Variants in DOT1L observed in about 807,000 individuals in gnomAD.
The protein encoded by DOT1L is DOT1 like histone lysine methyltransferase.
A neutral mutation model predicts 153.3 loss-of-function variants in DOT1L; 33 were observed. The ratio of observed to expected loss-of-function variants is 0.22; its 90% confidence interval spans 0.16 to 0.29. DOT1L has a LOEUF of 0.29. Ranked by LOEUF, DOT1L falls within the 10% of genes least tolerant of loss-of-function variation. The pLI is 1.00. For synonymous variants in DOT1L, 1,135 were observed against 965.1 expected (o/e 1.18, Z -3.26); for missense variants, 1,847 against 2,119.9 (o/e 0.87, Z 2.53).
At chr19:2,195,090 C>T (rs1342742342) in intron 7 of DOT1L, among the ~76,000 whole-genome samples, 1 of 152,106 alleles carries the variant, frequency 6.6e-6, no homozygotes, top group Non-Finnish European at 1.5e-5. Context: ...TGTGGCCCTC[C>T]CTGTAGGGTG....
At chr19:2,181,473 T>C (rs2022228727) in intron 2 of DOT1L, among the ~76,000 whole-genome samples, 1 of 152,184 alleles carries the variant, frequency 6.6e-6, no homozygotes, top group Non-Finnish European at 1.5e-5. Context: ...GGTGGCTCTG[T>C]GCCAGGCCCC....
chr19:2,206,623 A>G, intron 9 of DOT1L, 106 bp from the exon 10 acceptor site: 1 of 1,075,610 alleles, frequency 9.3e-7, no homozygotes, highest in South Asian at 1.3e-5. Flanking sequence ...CCCGGAGCCC[A>G]GTGTGTGTGT....
intron 7 of DOT1L, among the ~76,000 whole-genome samples, chr19:2,198,550 G>A (rs1414620147): frequency 6.6e-6 from 1 of 152,220 alleles, no homozygotes; most frequent in African/African-American, 2.4e-5. Flanking sequence ...TGCTTGGGGC[G>A]GCGGCTTGCT....
chr19:2,179,615 C>T (rs182896213), intron 1 of DOT1L, among the ~76,000 whole-genome samples: 4 of 152,094 alleles, frequency 2.6e-5, no homozygotes, highest in Non-Finnish European at 5.9e-5. Flanking sequence ...CGAGACCAGC[C>T]TGATCAACAT....
chr19:2,207,785 C>A lies in DOT1L; in HGVS notation c.963+105C>A. Reference sequence around the variant, plus strand: ...CATGTGGCCTCTGAGACCCTCCCCTCAGAGCCCTCAACGCCCCCCGGCCCC... The same window carrying A: ...CATGTGGCCTCTGAGACCCTCCCCTAAGAGCCCTCAACGCCCCCCGGCCCC... On this transcript the variant is annotated intron_variant, in intron 11 of 27. Coordinates refer to ENST00000398665, the MANE Select transcript of DOT1L (RefSeq NM_032482.3). This position sits in a 1 kb window ranked among gnomAD's most constrained non-coding sequence, Gnocchi z 4.5. 1 of 1,072,594 alleles carries A rather than the reference C, an allele frequency of 9.3e-7. No individual in the cohort carries two copies. The highest frequency in any genetic ancestry group is 1.3e-6 in the Non-Finnish European group (1 of 754,116). 66.4% of individuals were successfully genotyped at this position (1,072,594 alleles called of 1,614,324 possible).
At position 2,222,057 on chromosome 19, in the gene DOT1L, C is replaced by T. The variant is rs373291232; in HGVS notation, c.2888C>T (p.Ala963Val). Residue 963 changes from alanine to valine, a missense_variant, in exon 24 of 28, where the codon GCC becomes GTC. This residue lies in a region of DOT1L where 934 missense variants were observed against 825.3 expected (regional missense o/e 1.13). Transcript: ENST00000398665. The surrounding 1 kb of genome is among the most constrained non-coding windows in gnomAD (Gnocchi z 6.5). ...TCTCTCACACCTGGAGCCGAGCCGGCCACCTTGGATGAGTCCTCCAGCTCT... is the reference window on the plus strand; with the variant it reads ...TCTCTCACACCTGGAGCCGAGCCGGTCACCTTGGATGAGTCCTCCAGCTCT... ...PASLTPGAEP[A>V]TLDESSSSGS... The T allele has an allele frequency of 6.2e-7, 1 of 1,613,298 alleles. No homozygotes were observed. The highest frequency in any genetic ancestry group is 1.1e-5 in the South Asian group (1 of 91,088).
intron 1 of DOT1L, among the ~76,000 whole-genome samples, chr19:2,168,594 C>T (rs191671860): frequency 5.6e-4 from 85 of 152,252 alleles, no homozygotes; most frequent in Non-Finnish European, 1.1e-3. Context: ...CCTGGATAAC[C>T]GCTTTTCTCA....
chr19:2,186,093 A>G (rs1160107913), intron 3 of DOT1L, among the ~76,000 whole-genome samples, 164 bp downstream of exon 3: 2 of 152,246 alleles, frequency 1.3e-5, no homozygotes, highest in African/African-American at 4.8e-5. Flanking sequence ...TTGGTAGGAA[A>G]TGTTTATCAA....
intron 3 of DOT1L, among the ~76,000 whole-genome samples, chr19:2,188,853 C>A (rs1212349206): frequency 1.3e-5 from 2 of 152,210 alleles, no homozygotes; most frequent in Non-Finnish European, 2.9e-5. Flanking sequence ...TTGCCCCCAC[C>A]CCGGAAGCCC....
At chr19:2,168,765 C>G (rs1340125870) in intron 1 of DOT1L, among the ~76,000 whole-genome samples, 3 of 152,134 alleles carry the variant, frequency 2.0e-5, no homozygotes, top group Non-Finnish European at 4.4e-5. Context: ...CAGGCACCCG[C>G]CACCACGCCC....
Position 2,222,972 on chromosome 19 carries a change from A to C in DOT1L, c.3391-309A>C. The C allele has an allele frequency of 4.6e-6, 2 of 432,718 alleles. No individual in the cohort carries two copies. The highest frequency in any genetic ancestry group is 4.1e-6 in the Non-Finnish European group (1 of 242,880). The allele number at this position is 432,718 out of a possible 1,614,324, so 26.8% of individuals were successfully genotyped here. A position where few individuals can be genotyped will look rare whatever the true frequency, so the allele number is the denominator to read the frequency against. On this transcript the variant is annotated intron_variant, in intron 24 of 27. Coordinates refer to ENST00000398665, the MANE Select transcript of DOT1L (RefSeq NM_032482.3). This position sits in a 1 kb window ranked among gnomAD's most constrained non-coding sequence, Gnocchi z 6.5. ...CCACGTGCGGCCTGGCAGCCTGGGA[A>C]GAGGCGGCCGACAGCTGTCTCTGGG...
chr19:2,166,723 G>A (rs74254219), intron 1 of DOT1L, among the ~76,000 whole-genome samples: 5,897 of 152,276 alleles, frequency 0.039, 200 homozygotes, highest in East Asian at 0.14. Flanking sequence ...ACATTTATTC[G>A]TATATCTTCC....
In DOT1L at chr19:2,191,337, T is replaced by TG; in HGVS notation, c.493+98dup. 1.5e-6 allele frequency: 2 copies of TG among 1,303,702 alleles called. No individual in the cohort carries two copies. Among genetic ancestry groups the TG allele is most frequent in the African/African-American group, 1.5e-5 (1 of 68,830 alleles). 80.8% of individuals were successfully genotyped at this position (1,303,702 alleles called of 1,614,324 possible). On this transcript the variant is annotated intron_variant, in intron 5 of 27. Transcript: ENST00000398665. The surrounding 1 kb of genome is among the most constrained non-coding windows in gnomAD (Gnocchi z 6.8). ...CTTGGAGAAGAGTTTATCAGGGACT[T>TG]GCGACGTTGGCGTGGACAGTGCTTC...
chr19:2,190,593 G>A lies in DOT1L; in HGVS notation c.265-419G>A, dbSNP rs1041836108. Among the ~76,000 whole-genome samples, 2 of 152,166 alleles carry A rather than the reference G, an allele frequency of 1.3e-5. No homozygotes were observed. The highest frequency in any genetic ancestry group is 1.3e-4 in the Admixed American group (2 of 15,284). On this transcript the variant is annotated intron_variant, in intron 4 of 27. Transcript: ENST00000398665. This position sits in a 1 kb window ranked among gnomAD's most constrained non-coding sequence, Gnocchi z 4.8. ...GGTGGGGAGGAAGGCGGGGTCCCAC[G>A]TAGTCGAGTCAGATGAGGTGTGGTA... is the stretch of plus-strand genomic sequence containing the variant.
At chr19:2,176,993 C>T (rs1368530960) in intron 1 of DOT1L, among the ~76,000 whole-genome samples, 3 of 152,140 alleles carry the variant, frequency 2.0e-5, no homozygotes, top group East Asian at 3.9e-4. Flanking sequence ...CCCTTCCTCC[C>T]GCCCCCAGCC....
chr19:2,165,282 C>CCCG (rs2019866505), intron 1 of DOT1L, among the ~76,000 whole-genome samples: 1 of 151,806 alleles, frequency 6.6e-6, no homozygotes, highest in African/African-American at 2.4e-5. Context: ...CCTGGGACTC[C>CCCG]CGCGCGCGCT....
In DOT1L at chr19:2,231,824, G is replaced by A. The variant is rs979922892; in HGVS notation, c.*2032G>A. On this transcript the variant is annotated 3_prime_UTR_variant, in exon 28 of 28. Transcript: ENST00000398665. Reference sequence around the variant, plus strand: ...ACAGTGGCAGTCCGGGTGCCATCACGGGTCCTGCAGATGGCCATGCAGGGC... The same window carrying A: ...ACAGTGGCAGTCCGGGTGCCATCACAGGTCCTGCAGATGGCCATGCAGGGC... The A allele has an allele frequency of 2.7e-5, 6 of 218,702 alleles. No individual in the cohort carries two copies. Among genetic ancestry groups the A allele is most frequent in the African/African-American group, 6.7e-5 (3 of 44,480 alleles). 13.5% of individuals were successfully genotyped at this position (218,702 alleles called of 1,614,324 possible).
intron 2 of DOT1L, among the ~76,000 whole-genome samples, chr19:2,181,564 G>C (rs1165888212): frequency 1.3e-5 from 2 of 152,212 alleles, no homozygotes; most frequent in African/African-American, 4.8e-5. Context: ...AAGTGAAATC[G>C]TTTGTGTAGG....
chr19:2,198,135 T>C (rs1332201110), intron 7 of DOT1L, among the ~76,000 whole-genome samples: 1 of 152,144 alleles, frequency 6.6e-6, no homozygotes, highest in African/African-American at 2.4e-5. Context: ...TCATGGAGCG[T>C]GGGGGACCCC....
Sources: gnomAD v4.1 joint callset for allele counts (sites outside exome capture counted in the v4.1 genomes callset) on GRCh38, gnomAD v4.1.1 for gene constraint, gnomAD v4.1.1 regional missense constraint, Gnocchi (gnomAD v3.1) non-coding constraint, MANE v1.5 for transcripts, NCBI Gene and HGNC (gene_info 2026-07-23, HGNC 2026-07-21) for gene names.